Variants in HGF observed in about 807,000 individuals in gnomAD.
HGF encodes fibroblast-derived tumor cytotoxic factor.
HGF carries 39 observed loss-of-function variants against 111.6 expected under a neutral mutation model. That is an observed-to-expected ratio of 0.35 (90% CI 0.27 to 0.46). The LOEUF is 0.46. HGF is among the 20% of genes least tolerant of loss of function. The probability of loss-of-function intolerance (pLI) is 1.00; values close to 1 mark genes in which losing one functional copy is unlikely to be tolerated. For missense variants in HGF, 735 were observed against 910.5 expected (o/e 0.81, Z 2.48); for synonymous variants, 285 against 294.8 (o/e 0.97, Z 0.34).
chr7:81,711,514 C>G lies in HGF; in HGVS notation c.1411G>C (p.Gly471Arg), dbSNP rs2115806531. 1 of 1,411,494 alleles carries G rather than the reference C, an allele frequency of 7.1e-7. No individual in the cohort carries two copies. The highest frequency in any genetic ancestry group is 9.9e-7 in the Non-Finnish European group (1 of 1,007,742). The allele number at this position is 1,411,494 out of a possible 1,614,324, so 87.4% of individuals were successfully genotyped here. Residue 471 changes from glycine (G) to arginine (R), a missense_variant, in exon 12 of 18, where the codon GGT (glycine) becomes CGT (arginine). Transcript: ENST00000222390. ...WDYCPISRCEGDTTPTIVNLD... is the reference protein window; with the variant it reads ...WDYCPISRCERDTTPTIVNLD... ...TTGACTATTGTAGGTGTGGTATCAC[C>G]TTCACCTGTAAAAATAAATGTATAG...
At chr7:81,722,317 C>T (rs1789884996) in intron 9 of HGF, among the ~76,000 whole-genome samples, 2 of 151,574 alleles carry the variant, frequency 1.3e-5, no homozygotes, top group South Asian at 4.2e-4. Context: ...GCATGCATCA[C>T]CACACCTGGC....
intron 7 of HGF, among the ~76,000 whole-genome samples, chr7:81,734,949 G>A (rs922415037): frequency 2.0e-5 from 3 of 152,122 alleles, no homozygotes; most frequent in Admixed American, 6.6e-5. Flanking sequence ...ACAAATACCC[G>A]ATAACCTCCT....
chr7:81,755,540 C>A (rs1260579524), intron 4 of HGF: 1 of 152,890 alleles, frequency 6.5e-6, no homozygotes, highest in African/African-American at 2.4e-5. Flanking sequence ...ACTCCTCCAG[C>A]AGAGAATCAC....
chr7:81,741,583 CTGTGTGTGTG>C (rs78641495), intron 7 of HGF, among the ~76,000 whole-genome samples: 261 of 140,652 alleles, frequency 1.9e-3, no homozygotes, highest in Middle Eastern at 7.7e-3. Flanking sequence ...GTGTGTGTGT[CTGTGTGTGTG>C]TGTGTGTGTG....
chr7:81,742,783 T>C (rs1788060383), intron 7 of HGF: 2 of 1,537,768 alleles, frequency 1.3e-6, no homozygotes, highest in African/African-American at 2.7e-5. Flanking sequence ...AAAAGACAGA[T>C]CGAAACAGAA....
At chr7:81,731,623 T>A (rs1025526241) in intron 7 of HGF, among the ~76,000 whole-genome samples, 20 of 152,166 alleles carry the variant, frequency 1.3e-4, no homozygotes, top group Non-Finnish European at 2.4e-4. Context: ...CTATATTTCA[T>A]CAATATAAAT....
chr7:81,760,976 C>T (rs371170105), intron 2 of HGF, among the ~76,000 whole-genome samples: 12 of 152,140 alleles, frequency 7.9e-5, no homozygotes, highest in Non-Finnish European at 1.5e-4. Context: ...CCTAAGTATA[C>T]GGTTGACTAA....
intron 5 of HGF, among the ~76,000 whole-genome samples, chr7:81,747,921 G>A (rs761867047): frequency 2.0e-5 from 3 of 152,130 alleles, no homozygotes; most frequent in Non-Finnish European, 4.4e-5. Flanking sequence ...GGGCGACAGA[G>A]CAAGACTCTG....
intron 4 of HGF, chr7:81,755,807 TGTAA>T (rs777157413): frequency 1.5e-5 from 8 of 548,154 alleles, no homozygotes; most frequent in Non-Finnish European, 1.9e-5. Flanking sequence ...TCTACATAAT[TGTAA>T]GTAACTAATT....
rs1583909349 is a variant in HGF at position 81,702,388 on chromosome 7, A to T, written c.*193T>A. ...ACTTGCATGTACCTTAATTCACTTCAACATTGACAAAATAACACTGACAAA... is the reference window on the plus strand; with the variant it reads ...ACTTGCATGTACCTTAATTCACTTCTACATTGACAAAATAACACTGACAAA... On this transcript the variant is annotated 3_prime_UTR_variant, in exon 18 of 18. Transcript: ENST00000222390. 1 of 572,762 alleles carries T rather than the reference A, an allele frequency of 1.7e-6. No homozygotes were observed. Among genetic ancestry groups the T allele is most frequent in the East Asian group, 2.9e-5 (1 of 34,710 alleles). 35.5% of individuals were successfully genotyped at this position (572,762 alleles called of 1,614,324 possible). A position where few individuals can be genotyped will look rare whatever the true frequency, so the allele number is the denominator to read the frequency against.
intron 8 of HGF, among the ~76,000 whole-genome samples, 189 bp downstream of exon 8, chr7:81,729,416 T>G (rs1342317137): frequency 6.6e-6 from 1 of 152,140 alleles, no homozygotes; most frequent in African/African-American, 2.4e-5. Flanking sequence ...GAAATGCATA[T>G]TTGAGGACCA....
intron 7 of HGF, among the ~76,000 whole-genome samples, chr7:81,736,933 T>TGTGTGTGTGTGG (rs1787850429): frequency 2.0e-5 from 1 of 50,254 alleles, no homozygotes; most frequent in African/African-American, 7.5e-5. Flanking sequence ...GTGTGTGGTG[T>TGTGTGTGTGTGG]TCTATAGATG....
chr7:81,718,687 T>C (rs1045964350), intron 10 of HGF, among the ~76,000 whole-genome samples: 9 of 152,198 alleles, frequency 5.9e-5, no homozygotes, highest in African/African-American at 2.2e-4. Flanking sequence ...TACCAACTGG[T>C]ACTTTGAGGT....
At position 81,705,738 on chromosome 7, in the gene HGF, A is replaced by T. The variant is rs199516810; in HGVS notation, c.1773T>A (p.Asp591Glu). Residue 591 changes from aspartate to glutamate, a missense_variant, in exon 16 of 18, where the codon GAT becomes GAA. Asp to Glu is a conservative substitution (Grantham distance 45). This residue lies in a region of HGF where 130 missense variants were observed against 129.9 expected (regional missense o/e 1.00). Transcript: ENST00000222390. ...LMKLARPAVL[D>E]DFVSTIDLPN... is the part of the protein sequence containing the mutation. ...GTAAATCAATCGTACTAACAAAATC[A>T]TCCAGGACAGCAGGCCTGAAAACAC... The T allele has an allele frequency of 6.2e-7, 1 of 1,609,850 alleles. No individual in the cohort carries two copies. Among genetic ancestry groups the T allele is most frequent in the South Asian group, 1.1e-5 (1 of 91,000 alleles).
intron 10 of HGF, among the ~76,000 whole-genome samples, chr7:81,717,910 C>T (rs1180992671): frequency 1.3e-5 from 2 of 151,754 alleles, no homozygotes; most frequent in African/African-American, 2.4e-5. Flanking sequence ...GACAGATAAC[C>T]GAGCAATACT....
rs1789237877 is a variant in HGF, at chr7:81,699,795, T to C, written c.*2786A>G. On this transcript the variant is annotated 3_prime_UTR_variant, in exon 18 of 18. Coordinates refer to ENST00000222390, the MANE Select transcript of HGF (RefSeq NM_000601.6). The stretch of plus-strand genomic sequence containing the variant: ...CTATCACATGCCATTATTGTTAATT[T>C]TCTTGCCTTCCAGTGTCTCACACTT... The C allele has an allele frequency of 1.3e-5, 2 of 151,634 alleles. No homozygotes were observed. The highest frequency in any genetic ancestry group is 4.8e-5 in the African/African-American group (2 of 41,402). The allele number at this position is 151,634 out of a possible 1,614,324, so 9.4% of individuals were successfully genotyped here.
At chr7:81,734,031 G>T (rs1787748561) in intron 7 of HGF, among the ~76,000 whole-genome samples, 1 of 152,126 alleles carries the variant, frequency 6.6e-6, no homozygotes. Flanking sequence ...ACCTGAGTAA[G>T]GGAGGGTTTT....
intron 2 of HGF, among the ~76,000 whole-genome samples, chr7:81,760,702 T>C (rs1037819952): frequency 1.3e-5 from 2 of 151,336 alleles, no homozygotes; most frequent in African/African-American, 2.4e-5. Flanking sequence ...TGTGTGTGTG[T>C]GTGTGTGTGT....
rs534250947 is a variant in HGF at position 81,742,941 on chromosome 7, G to GT, written c.865+411dup. The GT allele has an allele frequency of 2.6e-4, 412 of 1,613,310 alleles. 6 individuals are homozygous for GT. In the Admixed American group the frequency reaches 6.5e-3, roughly 26 times the overall value. Reference sequence around the variant, plus strand: ...AGTTCACCATCAGTTGAGAGCCCATGTTATGTCTCTGGGGAGGAAAGGTAG... The same window carrying GT: ...AGTTCACCATCAGTTGAGAGCCCATGTTTATGTCTCTGGGGAGGAAAGGTAG... On this transcript the variant is annotated intron_variant, in intron 7 of 17. Coordinates refer to ENST00000222390, the MANE Select transcript of HGF (RefSeq NM_000601.6).
Sources: allele counts gnomAD v4.1 joint callset (sites outside exome capture counted in the v4.1 genomes callset), GRCh38; gene constraint gnomAD v4.1.1; regional missense constraint gnomAD v4.1.1; transcripts MANE v1.5; gene names NCBI Gene and HGNC (gene_info 2026-07-23, HGNC 2026-07-21).